Variants in ANKMY2 observed in about 807,000 individuals in gnomAD.
The protein encoded by ANKMY2 is ankyrin repeat and MYND domain-containing protein 2.
In ANKMY2, 36 loss-of-function variants were observed where a neutral mutation model predicts 50.4. The ratio of observed to expected loss-of-function variants is 0.71; its 90% CI spans 0.55 to 0.94. The LOEUF (loss-of-function observed/expected upper bound fraction) is 0.94. Ranked by LOEUF, ANKMY2 falls within the 40% of genes least tolerant of loss-of-function variation. The probability of loss-of-function intolerance (pLI) is 0.00; values close to 1 mark genes in which losing one functional copy is unlikely to be tolerated. For synonymous variants in ANKMY2, 187 were observed against 178.8 expected (o/e 1.05, Z -0.36); for missense variants, 565 against 524.0 (o/e 1.08, Z -0.76).
intron 7 of ANKMY2, among the ~76,000 whole-genome samples, chr7:16,608,368 A>G (rs1781193205): frequency 6.6e-6 from 1 of 152,190 alleles, no homozygotes. Flanking sequence ...AAATAGGGGG[A>G]GCACACATGA....
chr7:16,604,075 A>G (rs1781115785), intron 8 of ANKMY2, among the ~76,000 whole-genome samples: 1 of 152,236 alleles, frequency 6.6e-6, no homozygotes, highest in Admixed American at 6.5e-5. Context: ...GTCACAGCAG[A>G]TTATAATGGG....
In ANKMY2 at chr7:16,600,331, A is replaced by T. The variant is rs1781021734; in HGVS notation, c.*430T>A. ...CGTAAATGCTGCTTATATGTATTTT[A>T]TTCACATATAAGTTATGATTTTTCT... On this transcript the variant is annotated 3_prime_UTR_variant, in exon 10 of 10. Coordinates refer to ENST00000306999, the MANE Select transcript of ANKMY2 (RefSeq NM_020319.3). 6.5e-6 allele frequency: 1 copy of T among 153,146 alleles called. No individual in the cohort carries two copies. The highest frequency in any genetic ancestry group is 6.5e-5 in the Admixed American group (1 of 15,290). The allele number at this position is 153,146 out of a possible 1,614,324, so 9.5% of individuals were successfully genotyped here.
intron 1 of ANKMY2, among the ~76,000 whole-genome samples, chr7:16,642,124 A>G (rs1781754596): frequency 6.6e-6 from 1 of 152,184 alleles, no homozygotes. Flanking sequence ...CAGATATGAA[A>G]AAAAAAAAGG....
At position 16,645,494 on chromosome 7, in the gene ANKMY2, C is replaced by T. The variant is rs1781824735; in HGVS notation, c.67+13G>A. The T allele has an allele frequency of 6.2e-7, 1 of 1,607,012 alleles. No individual in the cohort carries two copies. The highest frequency in any genetic ancestry group is 1.7e-5 in the Admixed American group (1 of 59,090). On this transcript the variant is annotated intron_variant, in intron 1 of 9. Transcript: ENST00000306999. ...AGGCTGGCCGCGGCCGCGTCGCAGC[C>T]CAGCACCCGTACCTTTCCCGATGAC...
At chr7:16,620,683 G>A (rs1781422918) in intron 4 of ANKMY2, among the ~76,000 whole-genome samples, 1 of 151,210 alleles carries the variant, frequency 6.6e-6, no homozygotes, top group Non-Finnish European at 1.5e-5. Context: ...TAAAAGAGGA[G>A]GAATGCAACC....
In ANKMY2 at chr7:16,615,779, T is replaced by C. The variant is rs1165674402; in HGVS notation, c.496A>G (p.Lys166Glu). 2 of 1,614,116 alleles carry C rather than the reference T, an allele frequency of 1.2e-6. No homozygotes were observed. The highest frequency in any genetic ancestry group is 2.7e-5 in the African/African-American group (2 of 74,942). The change falls in exon 5 of 10, where the codon AAA becomes GAA. Residue 166 changes from lysine to glutamate, a missense_variant. By Grantham distance (56) the Lys-to-Glu change is moderately conservative. Coordinates refer to ENST00000306999, the MANE Select transcript of ANKMY2 (RefSeq NM_020319.3). ...LPPKLAGPLH[K>E]IITTTNLHPV... is the part of the protein sequence containing the mutation. Reference sequence around the variant, plus strand: ...TGAAGATTCGTTGTGGTGATAATTTTGTGCAGCGGGCCTGCCAACTTTGGG... The same window carrying C: ...TGAAGATTCGTTGTGGTGATAATTTCGTGCAGCGGGCCTGCCAACTTTGGG...
intron 5 of ANKMY2, among the ~76,000 whole-genome samples, chr7:16,614,914 G>A (rs1781315948): frequency 6.6e-6 from 1 of 152,192 alleles, no homozygotes; most frequent in Non-Finnish European, 1.5e-5. Context: ...TAGCTGTGTA[G>A]TTTTCTGTGA....
intron 4 of ANKMY2, among the ~76,000 whole-genome samples, chr7:16,617,837 T>A (rs770196802): frequency 6.6e-6 from 1 of 151,582 alleles, no homozygotes; most frequent in Non-Finnish European, 1.5e-5. Flanking sequence ...TACAGTGGTA[T>A]GTGCCTGTAG....
intron 1 of ANKMY2, among the ~76,000 whole-genome samples, chr7:16,645,071 C>G (rs1476590412): frequency 6.6e-6 from 1 of 152,076 alleles, no homozygotes; most frequent in Non-Finnish European, 1.5e-5. Context: ...GGGCGGGGAT[C>G]GGCAAAGGAT....
At chr7:16,602,886 C>T (rs1196443127) in intron 8 of ANKMY2, among the ~76,000 whole-genome samples, 1 of 152,178 alleles carries the variant, frequency 6.6e-6, no homozygotes, top group African/African-American at 2.4e-5. Flanking sequence ...CATGCCTGCT[C>T]CCCCTTCACC....
chr7:16,639,341 G>T (rs1781715763), intron 1 of ANKMY2, among the ~76,000 whole-genome samples: 1 of 152,186 alleles, frequency 6.6e-6, no homozygotes, highest in South Asian at 2.1e-4. Flanking sequence ...GTGGAAGATA[G>T]AGTACTATAA....
chr7:16,637,249 C>T (rs1290636316), intron 1 of ANKMY2, among the ~76,000 whole-genome samples: 1 of 152,116 alleles, frequency 6.6e-6, no homozygotes, highest in Non-Finnish European at 1.5e-5. Context: ...ATAAGCCTCT[C>T]CTATAAAAGA....
At position 16,628,560 on chromosome 7, in the gene ANKMY2, A is replaced by T. The variant is rs1263802572; in HGVS notation, c.133-1382T>A. Reference sequence around the variant, plus strand: ...AAATCTCATTGCCGTGCTTCAAGGGAGTAGGAATGGACTGCATGGCCTTTA... The same window carrying T: ...AAATCTCATTGCCGTGCTTCAAGGGTGTAGGAATGGACTGCATGGCCTTTA... On this transcript the variant is annotated intron_variant, in intron 2 of 9. Coordinates refer to ENST00000306999, the MANE Select transcript of ANKMY2 (RefSeq NM_020319.3). 1.3e-5 allele frequency among the ~76,000 whole-genome samples: 2 copies of T among 151,976 alleles called. 1 individual carries two copies. The highest frequency in any genetic ancestry group is 4.8e-5 in the African/African-American group (2 of 41,362).
In ANKMY2 at chr7:16,615,914, G is replaced by C; in HGVS notation, c.371-10C>G. 1 of 1,579,292 alleles carries C rather than the reference G, an allele frequency of 6.3e-7. No individual in the cohort carries two copies. The highest frequency in any genetic ancestry group is 8.6e-7 in the Non-Finnish European group (1 of 1,165,204). ...ACACAATCATGTTGACCTTTTCATA[G>C]AAAAATAGAAAAGTTGTAGTTTTAG... On this transcript the variant is annotated splice_polypyrimidine_tract_variant and intron_variant, in intron 4 of 9. Transcript: ENST00000306999.
At chr7:16,619,149 T>G (rs546071110) in intron 4 of ANKMY2, among the ~76,000 whole-genome samples, 3 of 151,870 alleles carry the variant, frequency 2.0e-5, no homozygotes, top group Non-Finnish European at 4.4e-5. Flanking sequence ...GATTTCTTTA[T>G]TATACCTTTT....
intron 2 of ANKMY2, among the ~76,000 whole-genome samples, chr7:16,629,312 G>C (rs1781546592): frequency 6.6e-6 from 1 of 152,198 alleles, no homozygotes; most frequent in African/African-American, 2.4e-5. Flanking sequence ...GAGGTGGGCA[G>C]ATCACTTGAG....
chr7:16,623,741 T>C (rs992959264), intron 4 of ANKMY2, among the ~76,000 whole-genome samples: 2 of 152,124 alleles, frequency 1.3e-5, no homozygotes, highest in Admixed American at 6.6e-5. Context: ...ATGGGGCAAC[T>C]TGGGGCCTGT....
chr7:16,611,299 T>G (rs1343989050), intron 5 of ANKMY2, among the ~76,000 whole-genome samples: 1 of 152,222 alleles, frequency 6.6e-6, no homozygotes, highest in Non-Finnish European at 1.5e-5. Context: ...ATGGAAATTT[T>G]CCTGAAGATG....
At chr7:16,636,876 C>A (rs1440798010) in intron 1 of ANKMY2, among the ~76,000 whole-genome samples, 1 of 152,186 alleles carries the variant, frequency 6.6e-6, no homozygotes, top group Non-Finnish European at 1.5e-5. Flanking sequence ...TTTGTCAGCA[C>A]CACATCTTGT....
Sources: allele counts gnomAD v4.1 joint callset (sites outside exome capture counted in the v4.1 genomes callset), GRCh38; gene constraint gnomAD v4.1.1; transcripts MANE v1.5; gene names NCBI Gene and HGNC (gene_info 2026-07-23, HGNC 2026-07-21).